The following TRPM3 variants were observed in gnomAD, a reference collection of about 807,000 sequenced individuals.
TRPM3 encodes transient receptor potential cation channel subfamily M member 3, also known as long transient receptor potential channel 3.
TRPM3 carries 77 observed loss-of-function variants against 181.2 expected under a neutral mutation model. That is an observed-to-expected ratio of 0.42 (90% CI 0.35 to 0.51). The LOEUF is 0.51. Among genes scored for constraint, TRPM3 ranks in the 20% least tolerant of loss-of-function variants. TRPM3 has a pLI of 0.01. For synonymous variants in TRPM3, 745 were observed against 796.4 expected, an observed-to-expected ratio of 0.94 and a Z score of 1.09; for missense variants, 1,759 against 2,196.7, an observed-to-expected ratio of 0.80 and a Z score of 3.98.
intron 8 of TRPM3, among the ~76,000 whole-genome samples, chr9:70,683,787 G>C (rs779456619): frequency 1.3e-5 from 2 of 152,082 alleles, no homozygotes; most frequent in Non-Finnish European, 2.9e-5. Flanking sequence ...TTTCCACTTG[G>C]AAGTTGAGAG....
intron 1 of TRPM3, among the ~76,000 whole-genome samples, chr9:71,353,568 T>C (rs764851092): frequency 2.2e-4 from 33 of 152,172 alleles, no homozygotes; most frequent in Admixed American, 4.6e-4. Context: ...CAACCTTCTG[T>C]GGTCTCTTTC....
chr9:71,358,969 C>A (rs138037915), intron 1 of TRPM3, among the ~76,000 whole-genome samples: 2 of 152,128 alleles, frequency 1.3e-5, no homozygotes, highest in African/African-American at 4.8e-5. Context: ...TGGTTCTTTA[C>A]GCATCAAAAT....
intron 1 of TRPM3, among the ~76,000 whole-genome samples, chr9:71,147,202 T>G (rs1322324272): frequency 6.6e-6 from 1 of 152,160 alleles, no homozygotes; most frequent in Non-Finnish European, 1.5e-5. Context: ...TAGAGTATTT[T>G]CATCGAGGAG....
chr9:70,862,763 AG>A lies in TRPM3; in HGVS notation c.462+144del, dbSNP rs1439907757. On this transcript the variant is annotated intron_variant, in intron 3 of 25. Coordinates refer to ENST00000677713, the MANE Select transcript of TRPM3 (RefSeq NM_001366145.2). The stretch of plus-strand genomic sequence containing the variant: ...AAGAAGGGTTGAGACACACAGGGGC[AG>A]GGGACTCAGAGCAGGTCACCTCATC... 38 of 734,940 alleles carry A rather than the reference AG, an allele frequency of 5.2e-5. No homozygotes were observed. In the Admixed American group the frequency reaches 8.4e-4, roughly 16 times the overall value. 45.5% of individuals were successfully genotyped at this position (734,940 alleles called of 1,614,324 possible).
intron 1 of TRPM3, among the ~76,000 whole-genome samples, chr9:71,148,110 TA>T (rs10713717): frequency 0.64 from 95,826 of 150,348 alleles, 32,647 homozygotes; most frequent in East Asian, 0.81. Flanking sequence ...TTTCTGAAGT[TA>T]AAAAAAAAAA....
chr9:71,053,215 T>A (rs1313882340), intron 1 of TRPM3, among the ~76,000 whole-genome samples: 1 of 150,752 alleles, frequency 6.6e-6, no homozygotes, highest in Non-Finnish European at 1.5e-5. Flanking sequence ...TAAACAAGAA[T>A]GTGGTTGAAG....
At chr9:70,776,132 T>G in intron 7 of TRPM3, 1 of 253,478 alleles carries the variant, frequency 3.9e-6, no homozygotes, top group Non-Finnish European at 7.4e-6. Flanking sequence ...AGAATCATGG[T>G]CTAGGCCTCC....
At chr9:70,872,648 C>A (rs961146751) in intron 1 of TRPM3, among the ~76,000 whole-genome samples, 2 of 151,896 alleles carry the variant, frequency 1.3e-5, no homozygotes, top group Non-Finnish European at 2.9e-5. Context: ...CTGTGTCCCC[C>A]ACTAGAATAT....
chr9:70,698,799 G>A (rs562393337), intron 8 of TRPM3, among the ~76,000 whole-genome samples: 1 of 151,486 alleles, frequency 6.6e-6, no homozygotes, highest in South Asian at 2.1e-4. Context: ...GTGTGGCACT[G>A]CCCGCTTCTC....
At chr9:71,227,100 C>T (rs1200353720) in intron 1 of TRPM3, among the ~76,000 whole-genome samples, 2 of 106,240 alleles carry the variant, frequency 1.9e-5, no homozygotes, top group Non-Finnish European at 3.5e-5. Flanking sequence ...CAGCATGATA[C>T]TTCATCTCAA....
chr9:70,602,124 T>TTTTTTA (rs1172901557), intron 20 of TRPM3, among the ~76,000 whole-genome samples: 3 of 150,560 alleles, frequency 2.0e-5, no homozygotes, highest in East Asian at 1.9e-4. Context: ...TTTTTTTTTT[T>TTTTTTA]AAATCCAGGC....
chr9:70,937,625 A>G (rs1025552079), intron 1 of TRPM3, among the ~76,000 whole-genome samples: 2 of 152,152 alleles, frequency 1.3e-5, no homozygotes, highest in African/African-American at 4.8e-5. Context: ...AGTAACTTGT[A>G]TTTCATTGAC....
chr9:70,864,378 GT>G (rs1233509394), intron 2 of TRPM3, 53 bp downstream of exon 2: 91 of 1,274,640 alleles, frequency 7.1e-5, no homozygotes, highest in East Asian at 3.0e-4. Context: ...ACTCTTGCAG[GT>G]TTTTTGTATA....
At chr9:71,398,839 G>T (rs1232492511) in intron 1 of TRPM3, among the ~76,000 whole-genome samples, 2 of 152,072 alleles carry the variant, frequency 1.3e-5, no homozygotes, top group African/African-American at 2.4e-5. Context: ...CACAGGTTAT[G>T]AACAGGCAAT....
chr9:71,250,677 A>T (rs1251043683), intron 1 of TRPM3, among the ~76,000 whole-genome samples: 1 of 152,234 alleles, frequency 6.6e-6, no homozygotes, highest in Non-Finnish European at 1.5e-5. Context: ...GAGGGAAATG[A>T]CACTGAACCT....
chr9:70,860,352 G>A (rs1030329797), intron 3 of TRPM3, among the ~76,000 whole-genome samples: 11 of 152,046 alleles, frequency 7.2e-5, no homozygotes, highest in African/African-American at 9.7e-5. Context: ...CTCTCTTTCC[G>A]GTACAGTAAG....
intron 1 of TRPM3, among the ~76,000 whole-genome samples, chr9:71,039,670 T>A (rs1330513600): frequency 1.3e-5 from 2 of 152,164 alleles, no homozygotes; most frequent in Admixed American, 1.3e-4. Flanking sequence ...ATTCTCAGCA[T>A]TAATGGATAG....
chr9:71,002,972 G>C (rs2097626506), intron 1 of TRPM3, among the ~76,000 whole-genome samples: 1 of 152,030 alleles, frequency 6.6e-6, no homozygotes, highest in South Asian at 2.1e-4. Context: ...GTTGGGTCCA[G>C]GACTCTATCA....
intron 1 of TRPM3, among the ~76,000 whole-genome samples, chr9:71,383,725 C>T (rs959143578): frequency 5.3e-5 from 8 of 152,158 alleles, no homozygotes; most frequent in African/African-American, 1.4e-4. Context: ...AACATAAACA[C>T]ATCAATCTTA....
Sources: gnomAD v4.1 joint callset for allele counts (sites outside exome capture counted in the v4.1 genomes callset) on GRCh38, gnomAD v4.1.1 for gene constraint, MANE v1.5 for transcripts, NCBI Gene and HGNC (gene_info 2026-07-23, HGNC 2026-07-21) for gene names.